SSH3: variants seen among roughly 807,000 people sequenced by gnomAD.
SSH3 encodes the protein slingshot protein phosphatase 3, also known as protein phosphatase Slingshot homolog 3.
In SSH3, 67 loss-of-function variants were observed where a neutral mutation model predicts 75.0. The observed-to-expected ratio is 0.89, with a 90% CI of 0.73 to 1.10. The LOEUF is 1.10. Ranked by LOEUF, SSH3 falls within the 50% of genes least tolerant of loss-of-function variation. The pLI, the probability that SSH3 is intolerant of heterozygous loss-of-function variation, is 0.00. For missense variants in SSH3, 824 were observed against 872.7 expected (o/e 0.94, Z 0.70); for synonymous variants, 318 against 349.2 (o/e 0.91, Z 1.00).
At chr11:67,303,779 C>T (rs1168453301) in intron 1 of SSH3, 88 bp downstream of exon 1, 3 of 1,349,212 alleles carry the variant, frequency 2.2e-6, no homozygotes, top group African/African-American at 1.5e-5. Flanking sequence ...TCCTCTCGAA[C>T]GGGGACATGA....
Position 67,307,997 on chromosome 11 carries a change from C to A in SSH3, c.885+58C>A. On this transcript the variant is annotated intron_variant, in intron 8 of 13. Transcript: ENST00000308127. The surrounding 1 kb of genome is among the most constrained non-coding windows in gnomAD (Gnocchi z 4.2). ...TAGCAGGGGCTGCAAGCTTGCCTTT[C>A]CTGGGAGCCCTCCCCACCTTGCCTG... 6.2e-7 allele frequency: 1 copy of A among 1,607,862 alleles called. No individual in the cohort carries two copies. The highest frequency in any genetic ancestry group is 1.1e-5 in the South Asian group (1 of 90,606).
intron 13 of SSH3, among the ~76,000 whole-genome samples, chr11:67,311,226 G>A (rs1260643787): frequency 2.0e-5 from 3 of 152,228 alleles, no homozygotes; most frequent in South Asian, 4.1e-4. Context: ...CAGCTCAGGG[G>A]CTGGTGCCGG....
At chr11:67,309,357 C>T (rs777622276) in intron 10 of SSH3, 40 bp from the exon 11 acceptor site, 4 of 1,612,830 alleles carry the variant, frequency 2.5e-6, no homozygotes, top group Non-Finnish European at 3.4e-6. Flanking sequence ...GGCCTGGTAC[C>T]TCTGCCCACA....
At position 67,309,812 on chromosome 11, in the gene SSH3, G is replaced by C. The variant is rs1380279635; in HGVS notation, c.1253G>C (p.Ser418Thr). Residue 418 changes from serine to threonine, a missense_variant, in exon 12 of 14, where the codon AGC becomes ACC. Coordinates refer to ENST00000308127, the MANE Select transcript of SSH3 (RefSeq NM_017857.4). Reference sequence around the variant, plus strand: ...CTGGTCCACTGCAAGATGGGCGTCAGCCGCTCAGCGGCCACAGTGCTGGCC... The same window carrying C: ...CTGGTCCACTGCAAGATGGGCGTCACCCGCTCAGCGGCCACAGTGCTGGCC... ...HVLVHCKMGV[S>T]RSAATVLAYA... The C allele has an allele frequency of 6.2e-7, 1 of 1,613,382 alleles. No homozygotes were observed. The highest frequency in any genetic ancestry group is 1.7e-5 in the Admixed American group (1 of 60,034).
At chr11:67,306,149 C>T (rs1210682212) in intron 3 of SSH3, among the ~76,000 whole-genome samples, 5 of 151,974 alleles carry the variant, frequency 3.3e-5, no homozygotes, top group Admixed American at 6.6e-5. Context: ...ATTAGCCAGG[C>T]GTGGTGGCGG....
rs1251453964 is a variant in SSH3 at position 67,307,075 on chromosome 11, C to T, written c.498C>T (p.Pro166=). ...GCTGCACCCTGGGCCTGGTCTTGCC[C>T]CTCTGGAGTGACACCCAGGTGTACT... ...SPSCTLGLVL[P]LWSDTQVYLD... Residue 166 remains proline, a synonymous_variant, in exon 5 of 14, where the codon CCC becomes CCT. Coordinates refer to ENST00000308127, the MANE Select transcript of SSH3 (RefSeq NM_017857.4). The surrounding 1 kb of genome is among the most constrained non-coding windows in gnomAD (Gnocchi z 4.2). 3 of 1,614,060 alleles carry T rather than the reference C, an allele frequency of 1.9e-6. No homozygotes were observed. Among genetic ancestry groups the T allele is most frequent in the African/African-American group, 2.7e-5 (2 of 75,030 alleles).
rs763148055 is a variant in SSH3 at position 67,307,796 on chromosome 11, G to T, written c.792-50G>T. 2 of 1,613,846 alleles carry T rather than the reference G, an allele frequency of 1.2e-6. No individual in the cohort carries two copies. The highest frequency in any genetic ancestry group is 1.3e-5 in the African/African-American group (1 of 74,934). On this transcript the variant is annotated intron_variant, in intron 7 of 13. Coordinates refer to ENST00000308127, the MANE Select transcript of SSH3 (RefSeq NM_017857.4). The surrounding 1 kb of genome is among the most constrained non-coding windows in gnomAD (Gnocchi z 4.2). The stretch of plus-strand genomic sequence containing the variant: ...GGAAGGCAGGATAATGCAGTGGGGG[G>T]CATGGTGGAGAGGGGAAAGGGCCCC...
Position 67,307,160 on chromosome 11 carries a change from AGT to A in SSH3, c.536+51_536+52del. On this transcript the variant is annotated intron_variant, in intron 5 of 13. Transcript: ENST00000308127. This position sits in a 1 kb window ranked among gnomAD's most constrained non-coding sequence, Gnocchi z 4.2. ...TGGGGGCTGGAGGGTGGAATAACTGAGTGTGACGGATGTGACGGGGCCTGGGC... is the reference window on the plus strand; with the variant it reads ...TGGGGGCTGGAGGGTGGAATAACTGAGTGACGGATGTGACGGGGCCTGGGC... The A allele has an allele frequency of 6.2e-7, 1 of 1,605,670 alleles. No homozygotes were observed. Among genetic ancestry groups the A allele is most frequent in the Non-Finnish European group, 8.5e-7 (1 of 1,177,026 alleles).
rs931997259 is a variant in SSH3, at chr11:67,307,479, G to A, written c.602+43G>A. ...CTGGACTCAGGCCAGCCTCTCCTTC[G>A]AAGGAGGCTGCAGGGCCTGGGGAAG... On this transcript the variant is annotated intron_variant, in intron 6 of 13. Coordinates refer to ENST00000308127, the MANE Select transcript of SSH3 (RefSeq NM_017857.4). The surrounding 1 kb of genome is among the most constrained non-coding windows in gnomAD (Gnocchi z 4.2). 12 of 1,613,482 alleles carry A rather than the reference G, an allele frequency of 7.4e-6. No individual in the cohort carries two copies. Among genetic ancestry groups the A allele is most frequent in the East Asian group, 6.7e-5 (3 of 44,888 alleles).
In SSH3 at chr11:67,307,463, G is replaced by A. The variant is rs1861277734; in HGVS notation, c.602+27G>A. The A allele has an allele frequency of 6.2e-7, 1 of 1,613,830 alleles. No homozygotes were observed. Among genetic ancestry groups the A allele is most frequent in the Non-Finnish European group, 8.5e-7 (1 of 1,179,984 alleles). On this transcript the variant is annotated intron_variant, in intron 6 of 13. Transcript: ENST00000308127. This position sits in a 1 kb window ranked among gnomAD's most constrained non-coding sequence, Gnocchi z 4.2. The stretch of plus-strand genomic sequence containing the variant: ...TAAGGACAGAGACTGCCTGGACTCA[G>A]GCCAGCCTCTCCTTCGAAGGAGGCT...
At chr11:67,309,307 T>G in intron 10 of SSH3, 90 bp from the exon 11 acceptor site, 2 of 1,543,860 alleles carry the variant, frequency 1.3e-6, no homozygotes, top group African/African-American at 2.7e-5. Flanking sequence ...AACTCAGAGC[T>G]AAAGCGAGGC....
intron 10 of SSH3, 128 bp from the exon 11 acceptor site, chr11:67,309,269 C>CT: frequency 8.3e-7 from 1 of 1,197,890 alleles, no homozygotes. Flanking sequence ...TCTCCTCCCA[C>CT]TGTCACTGCT....
chr11:67,311,909 C>A lies in SSH3; in HGVS notation c.*22C>A. 1 of 1,601,486 alleles carries A rather than the reference C, an allele frequency of 6.2e-7. No homozygotes were observed. Among genetic ancestry groups the A allele is most frequent in the African/African-American group, 1.3e-5 (1 of 74,272 alleles). On this transcript the variant is annotated 3_prime_UTR_variant, in exon 14 of 14. Coordinates refer to ENST00000308127, the MANE Select transcript of SSH3 (RefSeq NM_017857.4). The stretch of plus-strand genomic sequence containing the variant: ...CTGAGCCCTCACACATGCCCACGCT[C>A]CCCTGACACTGAAGAGGATCCACAA...
At chr11:67,303,901 C>G in intron 1 of SSH3, 6 of 764,208 alleles carry the variant, frequency 7.9e-6, no homozygotes, top group East Asian at 3.2e-5. Context: ...GCGGAGGCCC[C>G]GATCTGAGCG....
rs770114690 is a variant in SSH3 at position 67,305,008 on chromosome 11, G to A, written c.339+1G>A. On this transcript the variant is annotated splice_donor_variant, in intron 3 of 13. Transcript: ENST00000308127. LOFTEE classifies it high-confidence loss of function. ...GAGGCCGCAGGATGACATCCGCCTGGTGAGGGCCCATGTGGAGCTCCGGGG... is the reference window on the plus strand; with the variant it reads ...GAGGCCGCAGGATGACATCCGCCTGATGAGGGCCCATGTGGAGCTCCGGGG... 1 of 1,607,478 alleles carries A rather than the reference G, an allele frequency of 6.2e-7. No individual in the cohort carries two copies. Among genetic ancestry groups the A allele is most frequent in the South Asian group, 1.1e-5 (1 of 90,238 alleles).
intron 3 of SSH3, among the ~76,000 whole-genome samples, chr11:67,305,477 CG>C (rs1239235663): frequency 2.0e-5 from 3 of 152,162 alleles, no homozygotes; most frequent in African/African-American, 7.2e-5. Flanking sequence ...CGTGAGCCAC[CG>C]CGCCCGGCCT....
intron 1 of SSH3, 189 bp from the exon 2 acceptor site, chr11:67,303,929 G>C (rs1432352726): frequency 6.0e-6 from 5 of 834,446 alleles, no homozygotes; most frequent in Non-Finnish European, 8.7e-6. Context: ...CGCCACACTC[G>C]GCGCCCACCC....
At chr11:67,304,680 AG>A in intron 2 of SSH3, 92 bp from the exon 3 acceptor site, 1 of 1,282,798 alleles carries the variant, frequency 7.8e-7, no homozygotes, top group South Asian at 1.3e-5. Context: ...CGTGTAGACA[AG>A]GGCTGCAGGT....
At position 67,308,184 on chromosome 11, in the gene SSH3, C is replaced by A. The variant is rs200593286; in HGVS notation, c.896C>A (p.Ala299Asp). The A allele has an allele frequency of 1.2e-6, 2 of 1,613,482 alleles. No individual in the cohort carries two copies. Among genetic ancestry groups the A allele is most frequent in the East Asian group, 2.2e-5 (1 of 44,884 alleles). Reference protein sequence around the residue: ...ESVTSKEIRQALELRLGLPLQ... With the variant: ...ESVTSKEIRQDLELRLGLPLQ... ...GGGCTCTGCCTGCAGATCCGCCAGGCTCTGGAGCTGCGCCTGGGGCTCCCC... is the reference window on the plus strand; with the variant it reads ...GGGCTCTGCCTGCAGATCCGCCAGGATCTGGAGCTGCGCCTGGGGCTCCCC... Residue 299 changes from alanine to aspartate, a missense_variant, in exon 9 of 14, where the codon GCT (alanine) becomes GAT (aspartate). Coordinates refer to ENST00000308127, the MANE Select transcript of SSH3 (RefSeq NM_017857.4). This position sits in a 1 kb window ranked among gnomAD's most constrained non-coding sequence, Gnocchi z 4.9.
Sources: gnomAD v4.1 joint callset for allele counts (sites outside exome capture counted in the v4.1 genomes callset) on GRCh38, gnomAD v4.1.1 for gene constraint, Gnocchi (gnomAD v3.1) non-coding constraint, MANE v1.5 for transcripts, NCBI Gene and HGNC (gene_info 2026-07-23, HGNC 2026-07-21) for gene names.